The following ADAMTS2 variants were observed in gnomAD, a reference collection of about 807,000 sequenced individuals.
The protein encoded by ADAMTS2 is A disintegrin and metalloproteinase with thrombospondin motifs 2.
A neutral mutation model predicts 123.0 loss-of-function variants in ADAMTS2; 50 were observed. That is an observed-to-expected ratio of 0.41 (90% confidence interval 0.32 to 0.51). ADAMTS2 has a LOEUF of 0.51. Among genes scored for constraint, ADAMTS2 ranks in the 20% least tolerant of loss-of-function variants. ADAMTS2 has a pLI of 0.35. For missense variants in ADAMTS2, 1,494 were observed against 1,705.2 expected, an observed-to-expected ratio of 0.88 and a Z score of 2.18; for synonymous variants, 678 against 695.4, an observed-to-expected ratio of 0.98 and a Z score of 0.39.
chr5:179,116,460 C>T (rs1762661736), intron 21 of ADAMTS2, among the ~76,000 whole-genome samples: 1 of 152,166 alleles, frequency 6.6e-6, no homozygotes, highest in Non-Finnish European at 1.5e-5. Flanking sequence ...CTCAGGCAGG[C>T]ATCGCCTGAC....
chr5:179,222,613 G>A (rs915584733), intron 3 of ADAMTS2, among the ~76,000 whole-genome samples: 9 of 152,262 alleles, frequency 5.9e-5, no homozygotes, highest in Non-Finnish European at 1.3e-4. Context: ...TTAAAAGGCT[G>A]GGGTTTCCTC....
At chr5:179,341,370 A>G in intron 2 of ADAMTS2, 1 of 393,646 alleles carries the variant, frequency 2.5e-6, no homozygotes, top group South Asian at 1.9e-5. Context: ...GGAAGGAAGG[A>G]AGGAAGGAAA....
intron 2 of ADAMTS2, among the ~76,000 whole-genome samples, chr5:179,309,130 A>G (rs1561721670): frequency 6.6e-6 from 1 of 152,154 alleles, no homozygotes; most frequent in Admixed American, 6.5e-5. Context: ...AGGCGCAAAC[A>G]CCAATTCAGT....
In ADAMTS2 at chr5:179,197,903, CT is replaced by C. The variant is rs112091297; in HGVS notation, c.891+9609del. ...CTCGCCTGTCAGGCCCAAGCCCACTCTTTAGGGGTGCCCAGGCCCACACACA... is the reference window on the plus strand; with the variant it reads ...CTCGCCTGTCAGGCCCAAGCCCACTCTTAGGGGTGCCCAGGCCCACACACA... On this transcript the variant is annotated intron_variant, in intron 4 of 21. Coordinates refer to ENST00000251582, the MANE Select transcript of ADAMTS2 (RefSeq NM_014244.5). This position sits in a 1 kb window ranked among gnomAD's most constrained non-coding sequence, Gnocchi z 4.2. Among the ~76,000 whole-genome samples the C allele has an allele frequency of 0.019, 2,877 of 152,272 alleles. 101 individuals carry two copies. The highest frequency in any genetic ancestry group is 0.065 in the African/African-American group (2,709 of 41,540).
Position 179,175,656 on chromosome 5 carries a change from A to C in ADAMTS2, c.975+5416T>G, listed in dbSNP as rs1763913768. Among the ~76,000 whole-genome samples, 1 of 152,230 alleles carries C rather than the reference A, an allele frequency of 6.6e-6. No individual in the cohort carries two copies. The highest frequency in any genetic ancestry group is 2.4e-5 in the African/African-American group (1 of 41,454). ...TGGTCTGATATTTGGCCACATCACCAGACTCCTCTCCTAACTCTACAAGTT... is the reference window on the plus strand; with the variant it reads ...TGGTCTGATATTTGGCCACATCACCCGACTCCTCTCCTAACTCTACAAGTT... On this transcript the variant is annotated intron_variant, in intron 5 of 21. Transcript: ENST00000251582. This position sits in a 1 kb window ranked among gnomAD's most constrained non-coding sequence, Gnocchi z 4.1.
intron 2 of ADAMTS2, among the ~76,000 whole-genome samples, chr5:179,302,183 C>T (rs935580252): frequency 3.9e-5 from 6 of 151,914 alleles, no homozygotes; most frequent in Non-Finnish European, 7.4e-5. Flanking sequence ...GGGTGATGGC[C>T]GGGTGCGGTG....
intron 2 of ADAMTS2, among the ~76,000 whole-genome samples, chr5:179,336,360 T>C (rs560013002): frequency 2.3e-3 from 349 of 152,348 alleles, no homozygotes; most frequent in Non-Finnish European, 3.9e-3. Context: ...GACCGCTACT[T>C]CGTAATTCAC....
chr5:179,283,549 C>CAAAAAAAAAAAAAAAAAAAAAAAACAA (rs3986816), intron 2 of ADAMTS2, among the ~76,000 whole-genome samples: 9 of 51,324 alleles, frequency 1.8e-4, no homozygotes, highest in Non-Finnish European at 3.0e-4. Context: ...AGAAAAACAG[C>CAAAAAAAAAAAAAAAAAAAAAAAACAA]AAAAAAAAAA....
Position 179,228,781 on chromosome 5 carries a change from T to C in ADAMTS2, c.689-21066A>G, listed in dbSNP as rs1048834229. ...GGGCTCCAGACCCGGGGCGGTGCCTTCACCACGGCCTCCTCATCCAGCATC... is the reference window on the plus strand; with the variant it reads ...GGGCTCCAGACCCGGGGCGGTGCCTCCACCACGGCCTCCTCATCCAGCATC... On this transcript the variant is annotated intron_variant, in intron 3 of 21. Coordinates refer to ENST00000251582, the MANE Select transcript of ADAMTS2 (RefSeq NM_014244.5). This position sits in a 1 kb window ranked among gnomAD's most constrained non-coding sequence, Gnocchi z 5.2. Among the ~76,000 whole-genome samples the C allele has an allele frequency of 1.3e-5, 2 of 152,200 alleles. No homozygotes were observed. Among genetic ancestry groups the C allele is most frequent in the African/African-American group, 4.8e-5 (2 of 41,452 alleles).
rs749109029 is a variant in ADAMTS2, at chr5:179,175,903, G to A, written c.975+5169C>T. On this transcript the variant is annotated intron_variant, in intron 5 of 21. Transcript: ENST00000251582. This position sits in a 1 kb window ranked among gnomAD's most constrained non-coding sequence, Gnocchi z 4.1. ...GTTCAGCAGGCTGCGGATCTGCTGA[G>A]CAAGAAGCTTCCGTGGAGAAAGTTT... 5.3e-5 allele frequency among the ~76,000 whole-genome samples: 8 copies of A among 152,006 alleles called. No homozygotes were observed. The highest frequency in any genetic ancestry group is 1.2e-4 in the Non-Finnish European group (8 of 68,028).
At position 179,137,920 on chromosome 5, in the gene ADAMTS2, G is replaced by T; in HGVS notation, c.1800C>A (p.Cys600Ter). The T allele has an allele frequency of 1.3e-6, 2 of 1,550,018 alleles. No homozygotes were observed. Among genetic ancestry groups the T allele is most frequent in the Non-Finnish European group, 1.7e-6 (2 of 1,148,568 alleles). Residue 600 changes from cysteine to a stop codon, truncating the protein, a stop_gained, in exon 12 of 22, where the codon TGC (cysteine) becomes TGA (stop). Coordinates refer to ENST00000251582, the MANE Select transcript of ADAMTS2 (RefSeq NM_014244.5). LOFTEE classifies it high-confidence loss of function. Reference protein sequence around the residue: ...NPHPANGGRTCSGLAYDFQLC... With the variant: ...NPHPANGGRT The stretch of plus-strand genomic sequence containing the variant: ...GCTGGAAGTCGTAGGCAAGGCCCGA[G>T]CAGGTGCGGCCCCCGTTGGCCGGGC...
intron 3 of ADAMTS2, among the ~76,000 whole-genome samples, chr5:179,227,492 G>C (rs1183440422): frequency 6.6e-6 from 1 of 152,170 alleles, no homozygotes; most frequent in Non-Finnish European, 1.5e-5. Flanking sequence ...GCCTGGCTCT[G>C]GGTGCTGGCA....
chr5:179,207,380 G>C (rs1204382317), intron 4 of ADAMTS2, 133 bp downstream of exon 4: 1 of 945,468 alleles, frequency 1.1e-6, no homozygotes, highest in African/African-American at 1.6e-5. Context: ...CCCTGAGACT[G>C]TGTCACTCAC....
Position 179,283,772 on chromosome 5 carries a change from T to C in ADAMTS2, c.535-10708A>G, listed in dbSNP as rs200038990. Among the ~76,000 whole-genome samples the C allele has an allele frequency of 2.6e-5, 4 of 151,320 alleles. No homozygotes were observed. The East Asian group carries it at 5.8e-4, about 22-fold the overall frequency. On this transcript the variant is annotated intron_variant, in intron 2 of 21. Transcript: ENST00000251582. ...CAGACGTGGTGGTGCACACCTGTAA[T>C]CCCAGCTACTCAGGAGGCTGAGGCG...
At chr5:179,323,001 C>T (rs1034673247) in intron 2 of ADAMTS2, among the ~76,000 whole-genome samples, 8 of 152,172 alleles carry the variant, frequency 5.3e-5, no homozygotes, top group African/African-American at 1.7e-4. Flanking sequence ...ACAGGACTGG[C>T]GGGAGGCAGA....
rs1343851643 is a variant in ADAMTS2, at chr5:179,272,620, G to A, written c.688+291C>T. Among the ~76,000 whole-genome samples the A allele has an allele frequency of 2.6e-5, 4 of 152,146 alleles. No individual in the cohort carries two copies. Among genetic ancestry groups the A allele is most frequent in the Non-Finnish European group, 5.9e-5 (4 of 68,014 alleles). On this transcript the variant is annotated intron_variant, in intron 3 of 21. Coordinates refer to ENST00000251582, the MANE Select transcript of ADAMTS2 (RefSeq NM_014244.5). This position sits in a 1 kb window ranked among gnomAD's most constrained non-coding sequence, Gnocchi z 5.8. ...GCTTGCCTTTAGGCAACAGAAGATG[G>A]GCCCTTGGACAGCCTTCATAGTCCA...
intron 3 of ADAMTS2, among the ~76,000 whole-genome samples, chr5:179,233,255 A>T (rs978801570): frequency 3.9e-5 from 6 of 152,232 alleles, no homozygotes; most frequent in Admixed American, 3.3e-4. Context: ...TTTCTTTCCA[A>T]TCCTGCCTAA....
In ADAMTS2 at chr5:179,301,355, C is replaced by A. The variant is rs1460378502; in HGVS notation, c.535-28291G>T. Among the ~76,000 whole-genome samples the A allele has an allele frequency of 2.0e-5, 3 of 152,202 alleles. No individual in the cohort carries two copies. In the East Asian group the frequency reaches 5.8e-4, roughly 29 times the overall value. On this transcript the variant is annotated intron_variant, in intron 2 of 21. Coordinates refer to ENST00000251582, the MANE Select transcript of ADAMTS2 (RefSeq NM_014244.5). ...CGTGTCTAAAATGGCACAATATTAC[C>A]TACTTTACAGAGTTGTCAAGGGATT... is the stretch of plus-strand genomic sequence containing the variant.
intron 13 of ADAMTS2, among the ~76,000 whole-genome samples, chr5:179,133,535 G>T (rs755489467): frequency 3.3e-5 from 5 of 152,036 alleles, no homozygotes; most frequent in African/African-American, 4.8e-5. Flanking sequence ...CTCCCAAAGT[G>T]CTGGGATTAC....
Sources: gnomAD v4.1 joint callset for allele counts (sites outside exome capture counted in the v4.1 genomes callset) on GRCh38, gnomAD v4.1.1 for gene constraint, Gnocchi (gnomAD v3.1) non-coding constraint, MANE v1.5 for transcripts, NCBI Gene and HGNC (gene_info 2026-07-23, HGNC 2026-07-21) for gene names.